Variants in STK40 observed in about 807,000 individuals in gnomAD.
STK40 encodes the protein serine/threonine-protein kinase 40.
A neutral mutation model predicts 47.9 loss-of-function variants in STK40; 13 were observed. That is an observed-to-expected ratio of 0.27 (90% CI 0.18 to 0.43). STK40 has a LOEUF of 0.43. Ranked by LOEUF, STK40 falls within the 20% of genes least tolerant of loss-of-function variation. The pLI is 1.00. For synonymous variants in STK40, 225 were observed against 243.2 expected (o/e 0.93, Z 0.69); for missense variants, 460 against 595.1 (o/e 0.77, Z 2.36).
chr1:36,344,209 G>A lies in STK40; in HGVS notation c.795C>T (p.Phe265=). 6.2e-7 allele frequency: 1 copy of A among 1,613,400 alleles called. No homozygotes were observed. The highest frequency in any genetic ancestry group is 1.7e-4 in the Middle Eastern group (1 of 6,056). Residue 265 remains phenylalanine (F), a synonymous_variant, in exon 8 of 11, where the codon TTC becomes TTT. Coordinates refer to ENST00000373132, the MANE Select transcript of STK40 (RefSeq NM_001282547.2). ...AGGGGAACTGGCCATACAGCATGGT[G>A]AAGAGCACCACGCCCAGGGCCCACA... The part of the protein sequence containing the change: ...SDMWALGVVL[F]TMLYGQFPFY...
intron 7 of STK40, among the ~76,000 whole-genome samples, chr1:36,347,095 T>G (rs955645938): frequency 6.6e-6 from 1 of 152,164 alleles, no homozygotes; most frequent in Non-Finnish European, 1.5e-5. Flanking sequence ...CGGGCAGCCC[T>G]GGGGACAGGC....
At chr1:36,356,822 C>A (rs1646810409) in intron 4 of STK40, among the ~76,000 whole-genome samples, 2 of 152,130 alleles carry the variant, frequency 1.3e-5, no homozygotes, top group Admixed American at 1.3e-4. Context: ...CTTCTGATCA[C>A]CCAGGTTCTC....
chr1:36,372,008 GAA>G (rs1646952826), intron 1 of STK40, among the ~76,000 whole-genome samples: 2 of 152,002 alleles, frequency 1.3e-5, no homozygotes, highest in African/African-American at 4.8e-5. Context: ...AAAAAAGAAA[GAA>G]AGAAAAAAAT....
At chr1:36,345,991 A>ATATATATATTTTTTTTTT in intron 7 of STK40, among the ~76,000 whole-genome samples, 11 of 26,462 alleles carry the variant, frequency 4.2e-4, no homozygotes, top group African/African-American at 5.6e-4. Context: ...ATATATATAT[A>ATATATATATTTTTTTTTT]TTTTTTTTTT....
At chr1:36,362,993 T>C (rs912083707) in intron 1 of STK40, among the ~76,000 whole-genome samples, 2 of 152,118 alleles carry the variant, frequency 1.3e-5, no homozygotes, top group Non-Finnish European at 2.9e-5. Context: ...CCGTCTCTAC[T>C]AAAAATACAG....
At chr1:36,343,682 C>T (rs893767925) in intron 9 of STK40, among the ~76,000 whole-genome samples, 178 bp downstream of exon 9, 6 of 152,224 alleles carry the variant, frequency 3.9e-5, no homozygotes, top group African/African-American at 1.4e-4. Context: ...TATGGCAGCC[C>T]ATAGTTGCTC....
At chr1:36,345,548 G>C (rs948166030) in intron 7 of STK40, among the ~76,000 whole-genome samples, 11 of 152,182 alleles carry the variant, frequency 7.2e-5, no homozygotes, top group Non-Finnish European at 1.5e-4. Context: ...CGGTGCCAAA[G>C]AGCAGCTGCG....
intron 4 of STK40, among the ~76,000 whole-genome samples, chr1:36,356,515 TC>T (rs1646806589): frequency 6.9e-6 from 1 of 144,388 alleles, no homozygotes; most frequent in Non-Finnish European, 1.5e-5. Context: ...AAGCTCTGCC[TC>T]CCAGGTTCAT....
chr1:36,372,423 CAAAAAAAA>C (rs796595993), intron 1 of STK40, among the ~76,000 whole-genome samples: 2 of 39,608 alleles, frequency 5.0e-5, no homozygotes, highest in Non-Finnish European at 1.2e-4. Context: ...GACCTTGTCT[CAAAAAAAA>C]AAAAAAAAAA....
chr1:36,383,889 G>A (rs1312485447), intron 1 of STK40, among the ~76,000 whole-genome samples: 1 of 151,878 alleles, frequency 6.6e-6, no homozygotes, highest in Non-Finnish European at 1.5e-5. Context: ...TTTAGACTCA[G>A]CTCCAGCATC....
intron 1 of STK40, among the ~76,000 whole-genome samples, chr1:36,378,357 C>T (rs150669547): frequency 3.2e-4 from 49 of 152,292 alleles, no homozygotes; most frequent in Non-Finnish European, 5.3e-4. Flanking sequence ...CTTTTTACCC[C>T]GCTCTGAGCC....
At chr1:36,370,145 G>A (rs184055811) in intron 1 of STK40, among the ~76,000 whole-genome samples, 71 of 152,330 alleles carry the variant, frequency 4.7e-4, no homozygotes, top group East Asian at 3.7e-3. Context: ...GCTGATTACC[G>A]GGGGTTTTGC....
chr1:36,348,793 T>C lies in STK40; in HGVS notation c.646A>G (p.Asn216Asp). The C allele has an allele frequency of 6.2e-7, 1 of 1,607,114 alleles. No homozygotes were observed. The highest frequency in any genetic ancestry group is 8.5e-7 in the Non-Finnish European group (1 of 1,176,514). The stretch of plus-strand genomic sequence containing the variant: ...ACCAGATGCTTCCCGAGGCAGAAGT[T>C]GGTGATGGTTATCCGATGTGTCCTA... ...NKRTHRITITNFCLGKHLVSE... is the reference protein window; with the variant it reads ...NKRTHRITITDFCLGKHLVSE... The change falls in exon 7 of 11, where the codon AAC becomes GAC. Residue 216 changes from asparagine to aspartate, a missense_variant. By Grantham distance (23) the Asn-to-Asp change is conservative. Coordinates refer to ENST00000373132, the MANE Select transcript of STK40 (RefSeq NM_001282547.2).
chr1:36,375,979 G>A (rs1049677711), intron 1 of STK40, among the ~76,000 whole-genome samples: 11 of 151,380 alleles, frequency 7.3e-5, no homozygotes, highest in Non-Finnish European at 1.6e-4. Context: ...CTGAGATCGC[G>A]CCATTGCACT....
intron 1 of STK40, among the ~76,000 whole-genome samples, chr1:36,363,838 A>C: frequency 6.9e-6 from 1 of 143,938 alleles, no homozygotes; most frequent in African/African-American, 2.6e-5. Flanking sequence ...AAAAGAATTA[A>C]TAGTCACGCA....
intron 1 of STK40, among the ~76,000 whole-genome samples, chr1:36,364,014 G>A (rs1646878988): frequency 6.6e-6 from 1 of 151,230 alleles, no homozygotes. Context: ...AGCCGGGTGT[G>A]GTGGTGGGCA....
At chr1:36,344,091 C>G (rs775269603) in intron 8 of STK40, 29 bp downstream of exon 8, 8 of 1,580,870 alleles carry the variant, frequency 5.1e-6, no homozygotes, top group Non-Finnish European at 6.9e-6. Context: ...GCTGGCTGCC[C>G]CCCCCACCCC....
chr1:36,382,584 T>C (rs553901796), intron 1 of STK40, among the ~76,000 whole-genome samples: 3 of 152,314 alleles, frequency 2.0e-5, no homozygotes, highest in South Asian at 2.1e-4. Context: ...ATGGCTCCCA[T>C]ACAGACTGGG....
At chr1:36,382,624 A>G (rs768881325) in intron 1 of STK40, among the ~76,000 whole-genome samples, 37 of 152,244 alleles carry the variant, frequency 2.4e-4, no homozygotes, top group Non-Finnish European at 3.5e-4. Flanking sequence ...CTTTTCAGAA[A>G]GAATAAAATA....
Sources: gnomAD v4.1 joint callset for allele counts (sites outside exome capture counted in the v4.1 genomes callset) on GRCh38, gnomAD v4.1.1 for gene constraint, MANE v1.5 for transcripts, NCBI Gene and HGNC (gene_info 2026-07-23, HGNC 2026-07-21) for gene names.